The following TMEM68 variants were observed in gnomAD, a reference collection of about 807,000 sequenced individuals.
TMEM68 encodes the protein transmembrane protein 68, also known as DGAT1/2-independent enzyme synthesizing storage lipids.
A neutral mutation model predicts 36.9 loss-of-function variants in TMEM68; 25 were observed. The observed-to-expected ratio is 0.68, with a 90% CI of 0.49 to 0.95. The LOEUF (loss-of-function observed/expected upper bound fraction) is 0.95, where lower values mean the gene tolerates loss of function less well. TMEM68 is among the 40% of genes least tolerant of loss of function. The pLI, the probability that TMEM68 is intolerant of heterozygous loss-of-function variation, is 0.00. For missense variants in TMEM68, 333 were observed against 392.0 expected (o/e 0.85, Z 1.27); for synonymous variants, 131 against 124.4 (o/e 1.05, Z -0.35).
Position 55,743,479 on chromosome 8 carries a change from A to G in TMEM68, c.888+2T>C. The G allele has an allele frequency of 6.6e-7, 1 of 1,521,046 alleles. No homozygotes were observed. The highest frequency in any genetic ancestry group is 1.3e-5 in the South Asian group (1 of 79,872). The allele number at this position is 1,521,046 out of a possible 1,614,324, so 94.2% of individuals were successfully genotyped here. On this transcript the variant is annotated splice_donor_variant, in intron 7 of 7. Coordinates refer to ENST00000434581, the MANE Select transcript of TMEM68 (RefSeq NM_001286657.2). LOFTEE classifies it high-confidence loss of function. ...AAAACTAAAAAAGAAAAAGCAATTT[A>G]CCTTTTCAGCTAATTCTTCCGCTGT...
chr8:55,742,623 T>A (rs983088187), intron 7 of TMEM68, among the ~76,000 whole-genome samples: 1 of 152,160 alleles, frequency 6.6e-6, no homozygotes, highest in Non-Finnish European at 1.5e-5. Flanking sequence ...CACTGTAACC[T>A]TGACCTCCTG....
chr8:55,752,230 T>C (rs1310108712), intron 4 of TMEM68, among the ~76,000 whole-genome samples: 3 of 148,408 alleles, frequency 2.0e-5, no homozygotes, highest in South Asian at 2.2e-4. Context: ...CAAAAAACAC[T>C]ATGCAGACCA....
chr8:55,755,226 G>A (rs1179821797), intron 4 of TMEM68, among the ~76,000 whole-genome samples: 2 of 150,770 alleles, frequency 1.3e-5, no homozygotes, highest in South Asian at 2.1e-4. Context: ...CATGATGTAT[G>A]TACTTTTTAG....
At chr8:55,750,834 G>A (rs754769467) in intron 5 of TMEM68, 130 bp downstream of exon 5, 39 of 850,944 alleles carry the variant, frequency 4.6e-5, no homozygotes, top group Non-Finnish European at 6.5e-5. Context: ...TACCACACTC[G>A]GCCTACATAC....
chr8:55,765,668 A>G (rs1322038007), intron 1 of TMEM68, among the ~76,000 whole-genome samples: 1 of 152,214 alleles, frequency 6.6e-6, no homozygotes, highest in Non-Finnish European at 1.5e-5. Context: ...CTACACTTGA[A>G]AAAAACCTTT....
chr8:55,741,273 T>G lies in TMEM68; in HGVS notation c.889-1055A>C, dbSNP rs112639276. 1.4e-3 allele frequency among the ~76,000 whole-genome samples: 217 copies of G among 152,166 alleles called. 4 individuals are homozygous for G. Among genetic ancestry groups the G allele is most frequent in the African/African-American group, 5.0e-3 (208 of 41,524 alleles). On this transcript the variant is annotated intron_variant, in intron 7 of 7. Coordinates refer to ENST00000434581, the MANE Select transcript of TMEM68 (RefSeq NM_001286657.2). Reference sequence around the variant, plus strand: ...AAAAAACACCCCTCTAAACCACAGTTTTCATACCTGTAAAATGAGAACTAC... The same window carrying G: ...AAAAAACACCCCTCTAAACCACAGTGTTCATACCTGTAAAATGAGAACTAC...
At position 55,740,120 on chromosome 8, in the gene TMEM68, G is replaced by T; in HGVS notation, c.*12C>A. The stretch of plus-strand genomic sequence containing the variant: ...AAATGTACTAAATCATCTTCTAGTT[G>T]ACCCTTTGTTATCAATGAAAACGTT... On this transcript the variant is annotated 3_prime_UTR_variant, in exon 8 of 8. Coordinates refer to ENST00000434581, the MANE Select transcript of TMEM68 (RefSeq NM_001286657.2). 1 of 1,603,130 alleles carries T rather than the reference G, an allele frequency of 6.2e-7. No homozygotes were observed. Among genetic ancestry groups the T allele is most frequent in the African/African-American group, 1.3e-5 (1 of 74,654 alleles).
At position 55,745,287 on chromosome 8, in the gene TMEM68, G is replaced by T. The variant is rs1810237332; in HGVS notation, c.688-166C>A. The T allele has an allele frequency of 7.6e-6, 3 of 393,998 alleles. 1 individual carries two copies. The South Asian group carries it at 1.9e-4, about 25-fold the overall frequency. The allele number at this position is 393,998 out of a possible 1,614,324, so 24.4% of individuals were successfully genotyped here. A position where few individuals can be genotyped will look rare whatever the true frequency, so the allele number is the denominator to read the frequency against. On this transcript the variant is annotated intron_variant, in intron 5 of 7. Coordinates refer to ENST00000434581, the MANE Select transcript of TMEM68 (RefSeq NM_001286657.2). ...TCGTCTGATCCCAGAAGCTAAGCAGGGTCGGGTCTCGTTAGTATTGGCATG... is the reference window on the plus strand; with the variant it reads ...TCGTCTGATCCCAGAAGCTAAGCAGTGTCGGGTCTCGTTAGTATTGGCATG...
intron 5 of TMEM68, among the ~76,000 whole-genome samples, chr8:55,750,541 C>CTTTT (rs10674110): frequency 8.0e-5 from 11 of 137,560 alleles, no homozygotes; most frequent in Admixed American, 1.5e-4. Flanking sequence ...ATTCTCCAGT[C>CTTTT]TTTTTTTTTT....
In TMEM68 at chr8:55,773,340, C is replaced by T. The variant is rs1811257627; in HGVS notation, c.-186G>A. The stretch of plus-strand genomic sequence containing the variant: ...GCGGACAGATTTGCACGGCGGATTC[C>T]TCCGAAGCAACCCGTGTGAAAGAAG... On this transcript the variant is annotated 5_prime_UTR_variant, in exon 1 of 8. Transcript: ENST00000434581. 9.0e-6 allele frequency: 3 copies of T among 331,938 alleles called. No individual in the cohort carries two copies. Among genetic ancestry groups the T allele is most frequent in the Non-Finnish European group, 1.7e-5 (3 of 180,638 alleles). The allele number at this position is 331,938 out of a possible 1,614,324, so 20.6% of individuals were successfully genotyped here.
chr8:55,753,148 T>C (rs761961382), intron 4 of TMEM68, among the ~76,000 whole-genome samples: 4 of 152,100 alleles, frequency 2.6e-5, no homozygotes, highest in South Asian at 2.1e-4. Flanking sequence ...AAAAAGATCA[T>C]AAAGAGGAAA....
chr8:55,752,312 G>T (rs1810444752), intron 4 of TMEM68, among the ~76,000 whole-genome samples: 1 of 152,104 alleles, frequency 6.6e-6, no homozygotes, highest in South Asian at 2.1e-4. Flanking sequence ...GTCAGACCGG[G>T]TGTGGTGGTT....
intron 2 of TMEM68, 84 bp from the exon 3 acceptor site, chr8:55,763,112 C>T (rs1220316357): frequency 1.4e-6 from 1 of 737,072 alleles, no homozygotes; most frequent in Admixed American, 3.6e-5. Context: ...CATATAGAGT[C>T]ATTTCTTAAT....
At chr8:55,769,322 CAAA>C (rs56065552) in intron 1 of TMEM68, among the ~76,000 whole-genome samples, 3 of 71,602 alleles carry the variant, frequency 4.2e-5, no homozygotes, top group East Asian at 5.3e-4. Flanking sequence ...AATCCCATCT[CAAA>C]AAAAAAAAAA....
intron 5 of TMEM68, among the ~76,000 whole-genome samples, chr8:55,749,326 C>T (rs1418862017): frequency 1.3e-5 from 2 of 152,124 alleles, no homozygotes; most frequent in African/African-American, 4.8e-5. Flanking sequence ...GCTTTTTCCC[C>T]TTTAATTTCT....
chr8:55,765,258 G>A (rs1810928298), intron 1 of TMEM68, among the ~76,000 whole-genome samples: 1 of 152,032 alleles, frequency 6.6e-6, no homozygotes, highest in Non-Finnish European at 1.5e-5. Flanking sequence ...AACCTTGTAA[G>A]TTTAAAAACA....
At position 55,745,041 on chromosome 8, in the gene TMEM68, C is replaced by A. The variant is rs1810229373; in HGVS notation, c.748+20G>T. On this transcript the variant is annotated intron_variant, in intron 6 of 7. Transcript: ENST00000434581. ...TTAAAAATTACATTGTAATTTAAAACCATACAAATCAGAACTTACTTGTTC... is the reference window on the plus strand; with the variant it reads ...TTAAAAATTACATTGTAATTTAAAAACATACAAATCAGAACTTACTTGTTC... The A allele has an allele frequency of 6.9e-7, 1 of 1,441,172 alleles. No individual in the cohort carries two copies. Among genetic ancestry groups the A allele is most frequent in the Non-Finnish European group, 9.1e-7 (1 of 1,093,086 alleles). The allele number at this position is 1,441,172 out of a possible 1,614,324, so 89.3% of individuals were successfully genotyped here. A position where few individuals can be genotyped will look rare whatever the true frequency, so the allele number is the denominator to read the frequency against.
intron 1 of TMEM68, among the ~76,000 whole-genome samples, chr8:55,770,685 G>C (rs1811126858): frequency 6.6e-6 from 1 of 151,964 alleles, no homozygotes; most frequent in Admixed American, 6.6e-5. Flanking sequence ...TCGGGGGCAG[G>C]GGGGAACTCT....
chr8:55,763,063 C>G, intron 2 of TMEM68, 35 bp from the exon 3 acceptor site: 1 of 1,267,904 alleles, frequency 7.9e-7, no homozygotes. Context: ...TTATTTTCTC[C>G]ACAGCTATAA....
Sources: allele counts gnomAD v4.1 joint callset (sites outside exome capture counted in the v4.1 genomes callset), GRCh38; gene constraint gnomAD v4.1.1; transcripts MANE v1.5; gene names NCBI Gene and HGNC (gene_info 2026-07-23, HGNC 2026-07-21).